RBFOX1: variants seen among roughly 807,000 people sequenced by gnomAD.
The protein encoded by RBFOX1 is RNA binding fox-1 homolog 1, also known as RNA binding protein fox-1 homolog 1.
Under a neutral mutation model 57.7 loss-of-function variants are expected in RBFOX1, and 8 were observed. The observed-to-expected ratio is 0.14, with a 90% CI of 0.08 to 0.25. RBFOX1 has a LOEUF of 0.25. Ranked by LOEUF, RBFOX1 falls within the 10% of genes least tolerant of loss-of-function variation. The probability of loss-of-function intolerance (pLI) is 1.00; values close to 1 mark genes in which losing one functional copy is unlikely to be tolerated. For synonymous variants in RBFOX1, 326 were observed against 222.4 expected (o/e 1.47, Z -4.15); for missense variants, 611 against 548.5 (o/e 1.11, Z -1.14).
intron 6 of RBFOX1, among the ~76,000 whole-genome samples, chr16:7,584,359 C>G (rs903761163): frequency 6.6e-6 from 1 of 152,186 alleles, no homozygotes; most frequent in South Asian, 2.1e-4. Context: ...ATGGCACAAT[C>G]TTGGTTCACT....
chr16:6,008,586 T>G (rs950861641), intron 4 of RBFOX1, among the ~76,000 whole-genome samples: 5 of 151,928 alleles, frequency 3.3e-5, no homozygotes, highest in Admixed American at 2.6e-4. Flanking sequence ...GGAGCTGGAG[T>G]CATATCCCAG....
intron 3 of RBFOX1, among the ~76,000 whole-genome samples, chr16:6,919,089 C>T (rs1354733686): frequency 2.6e-5 from 4 of 152,154 alleles, no homozygotes; most frequent in African/African-American, 7.2e-5. Flanking sequence ...AAGCCATTCT[C>T]CTGTCTCAGC....
intron 4 of RBFOX1, among the ~76,000 whole-genome samples, chr16:5,906,156 C>T (rs2058449844): frequency 6.6e-6 from 1 of 152,114 alleles, no homozygotes; most frequent in African/African-American, 2.4e-5. Flanking sequence ...TCATGCCTCC[C>T]CCAGACTGGT....
At chr16:7,287,800 G>C (rs1414562270) in intron 4 of RBFOX1, among the ~76,000 whole-genome samples, 1 of 152,138 alleles carries the variant, frequency 6.6e-6, no homozygotes, top group Non-Finnish European at 1.5e-5. Context: ...GTTTATGATA[G>C]ATTTTACATA....
intron 2 of RBFOX1, among the ~76,000 whole-genome samples, chr16:6,333,538 C>T (rs1204353230): frequency 6.6e-6 from 1 of 152,124 alleles, no homozygotes; most frequent in African/African-American, 2.4e-5. Context: ...TGTCAAATTT[C>T]TCATCAGCTT....
At chr16:7,318,205 T>C (rs2096481159) in intron 4 of RBFOX1, among the ~76,000 whole-genome samples, 1 of 151,532 alleles carries the variant, frequency 6.6e-6, no homozygotes, top group South Asian at 2.1e-4. Context: ...GTGTTGATAG[T>C]GGTGTTGGTG....
At chr16:6,966,285 C>G (rs1329830749) in intron 3 of RBFOX1, among the ~76,000 whole-genome samples, 2 of 152,104 alleles carry the variant, frequency 1.3e-5, no homozygotes, top group East Asian at 1.9e-4. Flanking sequence ...ACTGGGCACT[C>G]CTGCAGGCAC....
Position 6,737,357 on chromosome 16 carries a change from GTTGTTTAA to G in RBFOX1, c.-16+82710_-16+82717del, listed in dbSNP as rs1474542212. ...GTATAAAAATGCATCAGTTTTATCT[GTTGTTTAA>G]TTATCAGGTAAAGACTAGAAGAAAT... On this transcript the variant is annotated intron_variant, in intron 3 of 15. Transcript: ENST00000550418. 3.5e-5 allele frequency among the ~76,000 whole-genome samples: 5 copies of G among 143,154 alleles called. No individual in the cohort carries two copies. In the Admixed American group the frequency reaches 3.7e-4, roughly 10 times the overall value. The allele number at this position is 143,154 out of a possible 152,430, so 93.9% of individuals were successfully genotyped here.
Position 6,667,901 on chromosome 16 carries a change from GA to G in RBFOX1, c.-16+13261del, listed in dbSNP as rs139973697. Among the ~76,000 whole-genome samples the G allele has an allele frequency of 9.3e-4, 137 of 146,646 alleles. 1 individual carries two copies. The highest frequency in any genetic ancestry group is 2.2e-3 in the South Asian group (10 of 4,598). ...AAGACCCTATCTTTAAAAAACTAAA[GA>G]AAAAAAAAATAAGTACAAGCTGCCT... is the stretch of plus-strand genomic sequence containing the variant. On this transcript the variant is annotated intron_variant, in intron 3 of 15. Transcript: ENST00000550418.
intron 4 of RBFOX1, among the ~76,000 whole-genome samples, chr16:7,204,041 C>T (rs185298641): frequency 1.3e-5 from 2 of 152,364 alleles, no homozygotes; most frequent in East Asian, 1.9e-4. Flanking sequence ...CGATCTGCAG[C>T]CAGGGTGCCC....
At chr16:7,481,091 G>C (rs1415848988) in intron 4 of RBFOX1, among the ~76,000 whole-genome samples, 1 of 152,070 alleles carries the variant, frequency 6.6e-6, no homozygotes, top group Non-Finnish European at 1.5e-5. Flanking sequence ...CTTACATCTG[G>C]ACAGTTGCCC....
chr16:6,297,654 C>G (rs2078282492), intron 1 of RBFOX1, among the ~76,000 whole-genome samples: 1 of 152,074 alleles, frequency 6.6e-6, no homozygotes, highest in South Asian at 2.1e-4. Context: ...ATTCCTGTTG[C>G]TTTTTGGCCC....
At position 6,324,552 on chromosome 16, in the gene RBFOX1, T is replaced by C. The variant is rs188190766; in HGVS notation, c.-64+7495T>C. ...AACAAGAGAGGGAGAGGAGGCACCA[T>C]GCACTTTAAACAACCAGATGTTGTT... On this transcript the variant is annotated intron_variant, in intron 2 of 15. Coordinates refer to ENST00000550418, the MANE Select transcript of RBFOX1 (RefSeq NM_018723.4). Among the ~76,000 whole-genome samples, 842 of 152,246 alleles carry C rather than the reference T, an allele frequency of 5.5e-3. 5 individuals are homozygous for C. Among genetic ancestry groups the C allele is most frequent in the Middle Eastern group, 0.014 (4 of 294 alleles).
At chr16:6,175,410 G>A (rs969562300) in intron 1 of RBFOX1, among the ~76,000 whole-genome samples, 17 of 152,040 alleles carry the variant, frequency 1.1e-4, no homozygotes, top group Admixed American at 1.1e-3. Context: ...AACATTACAC[G>A]TTCTGCTAGA....
chr16:6,101,224 T>A (rs1054360780), intron 1 of RBFOX1, among the ~76,000 whole-genome samples: 2 of 152,148 alleles, frequency 1.3e-5, no homozygotes, highest in Admixed American at 1.3e-4. Context: ...TCTCTCACTT[T>A]CCCCTTCTCT....
intron 3 of RBFOX1, among the ~76,000 whole-genome samples, chr16:5,674,607 A>G (rs1168647691): frequency 6.6e-6 from 1 of 152,244 alleles, no homozygotes; most frequent in Non-Finnish European, 1.5e-5. Flanking sequence ...CTCATAGAAC[A>G]TAGTATTGGG....
At chr16:7,408,588 T>C (rs545130302) in intron 4 of RBFOX1, among the ~76,000 whole-genome samples, 1 of 152,342 alleles carries the variant, frequency 6.6e-6, no homozygotes, top group East Asian at 1.9e-4. Flanking sequence ...ACTGACTTGA[T>C]AATTTAATTT....
chr16:7,167,622 C>A (rs974061324), intron 4 of RBFOX1, among the ~76,000 whole-genome samples: 11 of 152,180 alleles, frequency 7.2e-5, no homozygotes, highest in Non-Finnish European at 1.5e-4. Flanking sequence ...TTGTTTCAAG[C>A]CACAGTTTTT....
chr16:7,129,574 A>G (rs534103131), intron 4 of RBFOX1, among the ~76,000 whole-genome samples: 4 of 152,248 alleles, frequency 2.6e-5, no homozygotes, highest in African/African-American at 7.2e-5. Context: ...TCCTGGGGAA[A>G]AAAATTGAGG....
Sources: gnomAD v4.1 joint callset for allele counts (sites outside exome capture counted in the v4.1 genomes callset) on GRCh38, gnomAD v4.1.1 for gene constraint, MANE v1.5 for transcripts, NCBI Gene and HGNC (gene_info 2026-07-23, HGNC 2026-07-21) for gene names.